RAB38: variants seen among roughly 807,000 people sequenced by gnomAD.
The protein encoded by RAB38 is ras-related protein Rab-38.
In RAB38, 15 loss-of-function variants were observed where a neutral mutation model predicts 18.4. The observed-to-expected ratio is 0.82, with a 90% CI of 0.55 to 1.26. RAB38 has a LOEUF of 1.26. Ranked by LOEUF, RAB38 falls within the 50% of genes most tolerant of loss-of-function variation. The pLI is 0.00. For missense variants in RAB38, 294 were observed against 267.4 expected (o/e 1.10, Z -0.69); for synonymous variants, 101 against 104.4 (o/e 0.97, Z 0.20).
the RAB38 span, among the ~76,000 whole-genome samples, chr11:87,886,614 G>T: frequency 6.6e-6 from 1 of 151,758 alleles, no homozygotes; most frequent in African/African-American, 2.4e-5. Flanking sequence ...CAAGGTCAGG[G>T]GAAATTGCTA....
the RAB38 span, among the ~76,000 whole-genome samples, chr11:87,805,231 C>T: frequency 2.6e-5 from 4 of 152,204 alleles, no homozygotes; most frequent in Admixed American, 1.3e-4. Flanking sequence ...TTAATAATAT[C>T]CTTTTCTTTT....
At chr11:88,049,705 T>C in the RAB38 span, among the ~76,000 whole-genome samples, 1 of 152,126 alleles carries the variant, frequency 6.6e-6, no homozygotes, top group African/African-American at 2.4e-5. Flanking sequence ...TGCTCTTTGC[T>C]CCGTGAGAAA....
chr11:87,935,522 GTTAA>G, the RAB38 span, among the ~76,000 whole-genome samples: 2 of 151,962 alleles, frequency 1.3e-5, no homozygotes, highest in Admixed American at 6.6e-5. Context: ...ACCAGTTACA[GTTAA>G]TTATTATTTT....
chr11:87,848,517 C>G, the RAB38 span, among the ~76,000 whole-genome samples: 1 of 150,052 alleles, frequency 6.7e-6, no homozygotes, highest in Non-Finnish European at 1.5e-5. Context: ...TTATTTTTAA[C>G]TTATTCTATT....
the RAB38 span, among the ~76,000 whole-genome samples, chr11:87,832,595 T>TCCAGTCCAAGCAC: frequency 1.3e-5 from 2 of 152,100 alleles, no homozygotes; most frequent in African/African-American, 4.8e-5. Context: ...CAGAACTCTC[T>TCCAGTCCAAGCAC]CCAGTCCAAG....
chr11:87,849,523 G>A, the RAB38 span, among the ~76,000 whole-genome samples: 1 of 152,062 alleles, frequency 6.6e-6, no homozygotes, highest in Non-Finnish European at 1.5e-5. Context: ...TGTCAGTGTG[G>A]CAGCATCAGA....
At chr11:88,092,430 G>A in the RAB38 span, among the ~76,000 whole-genome samples, 3 of 131,330 alleles carry the variant, frequency 2.3e-5, 1 homozygote, top group Admixed American at 2.4e-4. Context: ...GAGAGAGAGA[G>A]AGAGAGAGAG....
chr11:88,100,768 A>C, the RAB38 span, among the ~76,000 whole-genome samples: 1 of 151,992 alleles, frequency 6.6e-6, no homozygotes, highest in Non-Finnish European at 1.5e-5. Context: ...CAAGACACAA[A>C]GACTTGACAT....
chr11:88,066,142 G>T, the RAB38 span, among the ~76,000 whole-genome samples: 1 of 152,162 alleles, frequency 6.6e-6, no homozygotes, highest in Non-Finnish European at 1.5e-5. Flanking sequence ...AAGTTTACTT[G>T]GTTGTCAAAA....
At chr11:88,007,479 C>A in the RAB38 span, among the ~76,000 whole-genome samples, 1 of 151,822 alleles carries the variant, frequency 6.6e-6, no homozygotes, top group East Asian at 1.9e-4. Context: ...TTTAAATGAT[C>A]AAAAATTACA....
the RAB38 span, among the ~76,000 whole-genome samples, chr11:87,930,488 G>T: frequency 1.3e-5 from 2 of 151,870 alleles, no homozygotes; most frequent in African/African-American, 2.4e-5. Context: ...TGAGTAGATT[G>T]CAAAAATTTT....
At chr11:87,929,183 TACTGTTA>T in the RAB38 span, among the ~76,000 whole-genome samples, 12 of 151,992 alleles carry the variant, frequency 7.9e-5, no homozygotes, top group Non-Finnish European at 2.9e-5. Flanking sequence ...TAGAGGTAAA[TACTGTTA>T]ACAATTTGGT....
chr11:87,829,266 C>T, the RAB38 span, among the ~76,000 whole-genome samples: 3 of 152,208 alleles, frequency 2.0e-5, no homozygotes, highest in African/African-American at 7.2e-5. Context: ...ATTAATCGTA[C>T]TCCAAACCTT....
the RAB38 span, among the ~76,000 whole-genome samples, chr11:88,093,400 G>A: frequency 1.3e-5 from 2 of 151,776 alleles, no homozygotes; most frequent in Admixed American, 1.3e-4. Flanking sequence ...TGGTTATAGA[G>A]TTTATTTCAG....
intron 1 of RAB38, among the ~76,000 whole-genome samples, chr11:88,162,413 G>A (rs2134847021): frequency 6.6e-6 from 1 of 152,064 alleles, no homozygotes; most frequent in Non-Finnish European, 1.5e-5. Flanking sequence ...CATTCAATAT[G>A]GTCCCCATGC....
chr11:88,140,177 C>G (rs1942889762), intron 2 of RAB38, among the ~76,000 whole-genome samples: 1 of 152,160 alleles, frequency 6.6e-6, no homozygotes, highest in Non-Finnish European at 1.5e-5. Flanking sequence ...GGGGGTGCAG[C>G]TTCCCTCACC....
chr11:87,958,068 A>G, the RAB38 span, among the ~76,000 whole-genome samples: 2 of 152,080 alleles, frequency 1.3e-5, no homozygotes, highest in African/African-American at 4.8e-5. Flanking sequence ...CTGTACTTCA[A>G]ATTTTGAATT....
intron 1 of RAB38, among the ~76,000 whole-genome samples, chr11:88,158,120 T>C (rs1197882815): frequency 6.6e-6 from 1 of 151,974 alleles, no homozygotes. Flanking sequence ...CCCACAGAAA[T>C]ACAAAAGATT....
At chr11:88,144,288 C>T (rs918644872) in intron 2 of RAB38, among the ~76,000 whole-genome samples, 1 of 152,172 alleles carries the variant, frequency 6.6e-6, no homozygotes, top group Admixed American at 6.5e-5. Flanking sequence ...GGAGGTATAT[C>T]TTATAACTTC....
Sources: gnomAD v4.1 joint callset for allele counts (sites outside exome capture counted in the v4.1 genomes callset) on GRCh38, gnomAD v4.1.1 for gene constraint, MANE v1.5 for transcripts, NCBI Gene and HGNC (gene_info 2026-07-23, HGNC 2026-07-21) for gene names.